The following IGSF9B variants were observed in gnomAD, a reference collection of about 807,000 sequenced individuals.
The protein encoded by IGSF9B is immunoglobulin superfamily member 9B.
Under a neutral mutation model 143.7 loss-of-function variants are expected in IGSF9B, and 48 were observed. The ratio of observed to expected loss-of-function variants is 0.33; its 90% CI spans 0.26 to 0.42. IGSF9B has a LOEUF of 0.42. Among genes scored for constraint, IGSF9B ranks in the 20% least tolerant of loss-of-function variants. The pLI is 1.00. For synonymous variants in IGSF9B, 903 were observed against 833.1 expected (o/e 1.08, Z -1.44); for missense variants, 1,706 against 1,980.0 (o/e 0.86, Z 2.63).
At chr11:133,912,485 G>T (rs923953140) in intron 18 of IGSF9B, 15 of 396,840 alleles carry the variant, frequency 3.8e-5, no homozygotes, top group Admixed American at 5.8e-5. Context: ...TGCTAAGTGA[G>T]AAACCCGACC....
At chr11:133,919,172 C>G (rs979420892) in intron 18 of IGSF9B, 1 of 406,634 alleles carries the variant, frequency 2.5e-6, no homozygotes, top group Non-Finnish European at 5.0e-6. Context: ...TGACCCTTTT[C>G]TCTGGGCCTC....
chr11:133,938,373 G>A (rs571665767), intron 3 of IGSF9B, among the ~76,000 whole-genome samples: 7 of 152,248 alleles, frequency 4.6e-5, no homozygotes, highest in East Asian at 1.9e-4. Context: ...GACACTTGCC[G>A]TCGGAGCCCT....
chr11:133,902,959 G>A lies in IGSF9B; in HGVS notation c.*6110C>T, dbSNP rs10894761. 0.5 allele frequency among the ~76,000 whole-genome samples: 75,426 copies of A among 151,800 alleles called. 19,761 individuals are homozygous for A. The highest frequency in any genetic ancestry group is 0.67 in the East Asian group (3,416 of 5,136). ...CATGGCTTATATGAAAACCCCACACGTGCATGCCCGCAGCATTTCTAAGGC... is the reference window on the plus strand; with the variant it reads ...CATGGCTTATATGAAAACCCCACACATGCATGCCCGCAGCATTTCTAAGGC... On this transcript the variant is annotated 3_prime_UTR_variant, in exon 20 of 20. Transcript: ENST00000533871.
rs188775885 is a variant in IGSF9B, at chr11:133,922,372, C to G, written c.2282-150G>C. 3,351 of 922,196 alleles carry G rather than the reference C, an allele frequency of 3.6e-3. 12 individuals are homozygous for G. The highest frequency in any genetic ancestry group is 3.7e-3 in the Non-Finnish European group (2,269 of 605,936). 57.1% of individuals were successfully genotyped at this position (922,196 alleles called of 1,614,324 possible). On this transcript the variant is annotated intron_variant, in intron 16 of 19. Transcript: ENST00000533871. ...TCTTTGGCCCCTGCCTTCATGCTAGCTTGGGCCCCAGCAGCCTCTCCCCAC... is the reference window on the plus strand; with the variant it reads ...TCTTTGGCCCCTGCCTTCATGCTAGGTTGGGCCCCAGCAGCCTCTCCCCAC...
intron 8 of IGSF9B, 45 bp downstream of exon 8, chr11:133,932,025 TG>T (rs764300769): frequency 1.3e-5 from 20 of 1,584,276 alleles, no homozygotes; most frequent in South Asian, 5.8e-5. Context: ...ATCACAGTAC[TG>T]GGGGGAGCCC....
rs369163943 is a variant in IGSF9B, at chr11:133,930,952, C to T, written c.1519+32G>A. The T allele has an allele frequency of 1.7e-4, 262 of 1,577,828 alleles. 1 individual carries two copies. In the African/African-American group the frequency reaches 3.0e-3, roughly 18 times the overall value. ...GCCCCCAGCCAGCCTGCTCTGTCCCCGCCGCCCGGCCCAGCCTTGCCGGCC... is the reference window on the plus strand; with the variant it reads ...GCCCCCAGCCAGCCTGCTCTGTCCCTGCCGCCCGGCCCAGCCTTGCCGGCC... On this transcript the variant is annotated intron_variant, in intron 11 of 19. Coordinates refer to ENST00000533871, the MANE Select transcript of IGSF9B (RefSeq NM_001277285.4).
rs1940197032 is a variant in IGSF9B, at chr11:133,953,347, C to A, written c.64+3344G>T. Among the ~76,000 whole-genome samples the A allele has an allele frequency of 6.6e-6, 1 of 152,160 alleles. No homozygotes were observed. Among genetic ancestry groups the A allele is most frequent in the Admixed American group, 6.5e-5 (1 of 15,282 alleles). On this transcript the variant is annotated intron_variant, in intron 1 of 19. Transcript: ENST00000533871. This position sits in a 1 kb window ranked among gnomAD's most constrained non-coding sequence, Gnocchi z 4.2. ...CCCCTCAGCCAAGCCCTTCTCACAT[C>A]CCCGTCTCCCCAGCTTCCCACAGGG...
Position 133,931,510 on chromosome 11 carries a change from C to A in IGSF9B, c.1311G>T (p.Glu437Asp). The A allele has an allele frequency of 1.2e-6, 2 of 1,613,320 alleles. No homozygotes were observed. The highest frequency in any genetic ancestry group is 1.7e-6 in the Non-Finnish European group (2 of 1,179,834). The change falls in exon 10 of 20, where the codon GAG (glutamate) becomes GAT (aspartate). Residue 437 changes from glutamate to aspartate, a missense_variant. Around this residue, in one of 7 missense-constraint regions of IGSF9B, gnomAD observed 238 missense variants for 452.6 expected, o/e 0.53. Coordinates refer to ENST00000533871, the MANE Select transcript of IGSF9B (RefSeq NM_001277285.4). The surrounding 1 kb of genome is among the most constrained non-coding windows in gnomAD (Gnocchi z 7.7). ...GWEYRQEAGR[E>D]LLIPCAAAGD... Reference sequence around the variant, plus strand: ...CTGCGGCAGCACAGGGGATAAGTAGCTCCCGGCCGGCCTCCTGCCTGTACT... The same window carrying A: ...CTGCGGCAGCACAGGGGATAAGTAGATCCCGGCCGGCCTCCTGCCTGTACT...
intron 6 of IGSF9B, 68 bp downstream of exon 6, chr11:133,935,985 T>C: frequency 1.3e-6 from 2 of 1,566,314 alleles, no homozygotes; most frequent in Non-Finnish European, 1.7e-6. Context: ...GTGCAATTTC[T>C]GCTCAGGGGC....
intron 17 of IGSF9B, 47 bp downstream of exon 17, chr11:133,922,129 GC>G (rs776587155): frequency 3.9e-6 from 6 of 1,546,164 alleles, no homozygotes; most frequent in Non-Finnish European, 5.4e-6. Context: ...CTACCTATGC[GC>G]CCCCTGCCAT....
chr11:133,955,457 G>A (rs1016535009), intron 1 of IGSF9B, among the ~76,000 whole-genome samples: 2 of 152,218 alleles, frequency 1.3e-5, no homozygotes, highest in South Asian at 2.1e-4. Flanking sequence ...CCCCTGCACA[G>A]ACGAGTGACG....
At chr11:133,933,201 C>T (rs556366370) in intron 7 of IGSF9B, among the ~76,000 whole-genome samples, 36 of 152,280 alleles carry the variant, frequency 2.4e-4, no homozygotes, top group African/African-American at 8.2e-4. Context: ...ACCCGTTGAA[C>T]GAGGTCCTCT....
At chr11:133,947,622 G>A (rs992068944) in intron 1 of IGSF9B, among the ~76,000 whole-genome samples, 2 of 151,906 alleles carry the variant, frequency 1.3e-5, no homozygotes, top group Non-Finnish European at 2.9e-5. Flanking sequence ...TGTGCACCTC[G>A]CTGTCTCTTA....
rs1591712887 is a variant in IGSF9B, at chr11:133,921,949, A to G, written c.2327+228T>C. ...TTACTGGCTAATTTGGATCATCTGC[A>G]CTGCCACTCCCTCTACCAGCGTGGA... On this transcript the variant is annotated intron_variant, in intron 17 of 19. Transcript: ENST00000533871. Among the ~76,000 whole-genome samples, 10 of 152,306 alleles carry G rather than the reference A, an allele frequency of 6.6e-5. 1 individual carries two copies. In the South Asian group the frequency reaches 2.1e-3, roughly 32 times the overall value.
chr11:133,943,867 C>T (rs1939995202), intron 3 of IGSF9B, among the ~76,000 whole-genome samples: 1 of 152,222 alleles, frequency 6.6e-6, no homozygotes, highest in Admixed American at 6.5e-5. Context: ...GTAGCAGGGT[C>T]TTCCCAAGGC....
chr11:133,953,782 C>T lies in IGSF9B; in HGVS notation c.64+2909G>A, dbSNP rs554405600. On this transcript the variant is annotated intron_variant, in intron 1 of 19. Coordinates refer to ENST00000533871, the MANE Select transcript of IGSF9B (RefSeq NM_001277285.4). The surrounding 1 kb of genome is among the most constrained non-coding windows in gnomAD (Gnocchi z 4.2). ...CCAGGGTCCTCCCACAGAGTAGGAA[C>T]TCCCCCGGGCTGGCTCAGCAGCCGT... is the stretch of plus-strand genomic sequence containing the variant. 1.1e-3 allele frequency among the ~76,000 whole-genome samples: 175 copies of T among 152,294 alleles called. No homozygotes were observed. Among genetic ancestry groups the T allele is most frequent in the African/African-American group, 4.1e-3 (171 of 41,562 alleles).
chr11:133,947,708 TTCTCTCTCTC>T (rs112387633), intron 1 of IGSF9B, among the ~76,000 whole-genome samples: 4 of 134,800 alleles, frequency 3.0e-5, no homozygotes, highest in Non-Finnish European at 4.8e-5. Flanking sequence ...TCTGTGTTTG[TTCTCTCTCTC>T]TCTCTCTCTC....
chr11:133,912,471 G>T, intron 18 of IGSF9B: 1 of 417,704 alleles, frequency 2.4e-6, no homozygotes, highest in South Asian at 1.7e-5. Context: ...TCCAGAAAAG[G>T]GGGTGCTAAG....
At chr11:133,929,589 C>G (rs376180977) in intron 12 of IGSF9B, 82 bp downstream of exon 12, 53 of 1,031,238 alleles carry the variant, frequency 5.1e-5, no homozygotes, top group Admixed American at 2.9e-4. Flanking sequence ...TACCTCCCCC[C>G]ACCCGGGGTA....
Sources: allele counts gnomAD v4.1 joint callset (sites outside exome capture counted in the v4.1 genomes callset), GRCh38; gene constraint gnomAD v4.1.1; regional missense constraint gnomAD v4.1.1; non-coding constraint Gnocchi (gnomAD v3.1); transcripts MANE v1.5; gene names NCBI Gene and HGNC (gene_info 2026-07-23, HGNC 2026-07-21).